Variants in CFAP210 observed in about 807,000 individuals in gnomAD.
CFAP210 encodes cilia- and flagella- associated protein 210.
chr2:169,670,433 G>A, the CFAP210 span, among the ~76,000 whole-genome samples: 2 of 152,172 alleles, frequency 1.3e-5, no homozygotes, highest in Admixed American at 1.3e-4. Flanking sequence ...GCCAGCAGCT[G>A]TGCAATATGT....
the CFAP210 span, among the ~76,000 whole-genome samples, chr2:169,684,873 C>G: frequency 1.3e-5 from 2 of 152,182 alleles, no homozygotes; most frequent in African/African-American, 2.4e-5. Flanking sequence ...CCAGGCTGGT[C>G]TCAAACTCCT....
the CFAP210 span, among the ~76,000 whole-genome samples, chr2:169,693,463 G>A: frequency 6.6e-6 from 1 of 152,202 alleles, no homozygotes; most frequent in Non-Finnish European, 1.5e-5. Context: ...ATATCCACTA[G>A]TGAAGAATGA....
At chr2:169,689,019 T>C in the CFAP210 span, among the ~76,000 whole-genome samples, 1 of 151,920 alleles carries the variant, frequency 6.6e-6, no homozygotes, top group Non-Finnish European at 1.5e-5. Flanking sequence ...ATGGCAGGAG[T>C]TGAAAGACAC....
chr2:169,667,154 T>C, the CFAP210 span, among the ~76,000 whole-genome samples: 1 of 151,414 alleles, frequency 6.6e-6, no homozygotes, highest in Non-Finnish European at 1.5e-5. Context: ...TTTTTTTTTT[T>C]TTTGATGGAG....
the CFAP210 span, among the ~76,000 whole-genome samples, chr2:169,667,449 T>G: frequency 6.6e-6 from 1 of 152,176 alleles, no homozygotes; most frequent in Non-Finnish European, 1.5e-5. Flanking sequence ...CAAATGTTCT[T>G]AATGGCAACT....
chr2:169,662,477 A>T, the CFAP210 span: 3 of 1,496,500 alleles, frequency 2.0e-6, no homozygotes, highest in Non-Finnish European at 2.7e-6. Context: ...CAAAGCAGAA[A>T]AATAGGTTAT....
the CFAP210 span, among the ~76,000 whole-genome samples, chr2:169,674,369 G>A: frequency 6.6e-6 from 1 of 152,106 alleles, no homozygotes; most frequent in African/African-American, 2.4e-5. Context: ...ACTAGATTGT[G>A]TGGTTGTGTA....
At chr2:169,674,881 CTCTT>C in the CFAP210 span, 8 of 1,510,472 alleles carry the variant, frequency 5.3e-6, no homozygotes, top group Non-Finnish European at 6.2e-6. Context: ...AAGTTTTTCA[CTCTT>C]TCTGTCTGGT....
the CFAP210 span, among the ~76,000 whole-genome samples, chr2:169,656,945 A>G: frequency 2.1e-5 from 3 of 140,724 alleles, no homozygotes; most frequent in Admixed American, 2.2e-4. Context: ...AGCCTGGGTG[A>G]CAGAATAAGA....
the CFAP210 span, among the ~76,000 whole-genome samples, chr2:169,690,032 A>G: frequency 1.3e-5 from 2 of 152,070 alleles, no homozygotes; most frequent in Non-Finnish European, 2.9e-5. Flanking sequence ...GGGTCTTACT[A>G]TGTTGCCCAG....
At chr2:169,668,322 A>T in the CFAP210 span, among the ~76,000 whole-genome samples, 1 of 152,218 alleles carries the variant, frequency 6.6e-6, no homozygotes, top group Non-Finnish European at 1.5e-5. Context: ...AGGGAATGTC[A>T]GGGCTGGTTT....
chr2:169,686,395 T>C, the CFAP210 span, among the ~76,000 whole-genome samples: 2 of 151,686 alleles, frequency 1.3e-5, no homozygotes, highest in African/African-American at 2.4e-5. Context: ...TTGGGAAGTA[T>C]TGCCATCTGT....
the CFAP210 span, among the ~76,000 whole-genome samples, chr2:169,679,598 G>A: frequency 1.1e-3 from 159 of 147,292 alleles, no homozygotes; most frequent in Non-Finnish European, 2.0e-3. Context: ...GGAGAATGGC[G>A]TGAACCCTGG....
chr2:169,653,960 A>G, the CFAP210 span: 1 of 1,111,620 alleles, frequency 9.0e-7, no homozygotes, highest in Non-Finnish European at 1.2e-6. Flanking sequence ...CAAGTCACTG[A>G]ATGCTCTAGT....
chr2:169,675,433 C>A, the CFAP210 span, among the ~76,000 whole-genome samples: 9 of 152,168 alleles, frequency 5.9e-5, no homozygotes, highest in Non-Finnish European at 1.0e-4. Flanking sequence ...AGGAAACTTA[C>A]AATTGTGGCG....
At chr2:169,646,173 T>G in the CFAP210 span, 5 of 1,606,226 alleles carry the variant, frequency 3.1e-6, no homozygotes, top group Admixed American at 8.5e-5. Context: ...GCATTAAACT[T>G]ATTTTTGGCC....
chr2:169,646,919 AAC>A, the CFAP210 span, among the ~76,000 whole-genome samples: 44 of 152,278 alleles, frequency 2.9e-4, no homozygotes, highest in Non-Finnish European at 5.4e-4. Flanking sequence ...TTTTTAAAAT[AAC>A]AGTTACTTTG....
the CFAP210 span, chr2:169,659,391 T>C: frequency 6.4e-6 from 1 of 155,392 alleles, no homozygotes; most frequent in African/African-American, 2.4e-5. Flanking sequence ...GAAGCATGGC[T>C]GGGAGGCCTC....
chr2:169,649,466 A>G, the CFAP210 span: 1 of 833,956 alleles, frequency 1.2e-6, no homozygotes. Context: ...ATGCAGGAGC[A>G]GAAAAGTGCA....
Sources: gnomAD v4.1 joint callset for allele counts (sites outside exome capture counted in the v4.1 genomes callset) on GRCh38, gnomAD v4.1.1 for gene constraint, MANE v1.5 for transcripts, NCBI Gene and HGNC (gene_info 2026-07-23, HGNC 2026-07-21) for gene names.